Variants in SCNN1B observed in about 807,000 individuals in gnomAD.
SCNN1B encodes the protein sodium channel epithelial 1 subunit beta.
A neutral mutation model predicts 65.3 loss-of-function variants in SCNN1B; 46 were observed. The ratio of observed to expected loss-of-function variants is 0.70; its 90% CI spans 0.56 to 0.90. The LOEUF (loss-of-function observed/expected upper bound fraction) is 0.90, where lower values mean the gene tolerates loss of function less well. Among genes scored for constraint, SCNN1B ranks in the 40% least tolerant of loss-of-function variants. SCNN1B has a pLI of 0.00. For synonymous variants in SCNN1B, 349 were observed against 330.6 expected (o/e 1.06, Z -0.60); for missense variants, 751 against 830.5 (o/e 0.90, Z 1.18).
At chr16:23,378,623 G>C (rs1962963789) in intron 10 of SCNN1B, 83 bp from the exon 11 acceptor site, 9 of 1,306,320 alleles carry the variant, frequency 6.9e-6, no homozygotes, top group Non-Finnish European at 1.0e-5. Flanking sequence ...CAGGGCTGTG[G>C]TCTACCTCCC....
chr16:23,291,050 T>C (rs1960916574), intron 2 of SCNN1B, among the ~76,000 whole-genome samples: 1 of 146,418 alleles, frequency 6.8e-6, no homozygotes, highest in African/African-American at 2.6e-5. Flanking sequence ...CAAATTCTTC[T>C]TTACCACATT....
At position 23,353,017 on chromosome 16, in the gene SCNN1B, C is replaced by A. The variant is rs772749454; in HGVS notation, c.528C>A (p.Ser176Arg). The part of the protein sequence containing the change: ...LFGDNHNGLT[S>R]SSASEKICNA... ...GAGACAACCACAATGGCTTAACAAG[C>A]AGCTCAGCATCAGAAAAGATCTGTA... is the stretch of plus-strand genomic sequence containing the variant. Residue 176 changes from serine to arginine, a missense_variant, in exon 3 of 13, where the codon AGC becomes AGA. Physicochemically the swap from Ser to Arg is moderately radical, Grantham distance 110. Transcript: ENST00000343070. 20 of 1,614,042 alleles carry A rather than the reference C, an allele frequency of 1.2e-5. No individual in the cohort carries two copies. In the South Asian group the frequency reaches 2.0e-4, roughly 16 times the overall value.
chr16:23,380,056 G>C lies in SCNN1B; in HGVS notation c.1467-38G>C. 6.8e-7 allele frequency: 1 copy of C among 1,481,358 alleles called. No homozygotes were observed. Among genetic ancestry groups the C allele is most frequent in the Non-Finnish European group, 9.4e-7 (1 of 1,058,990 alleles). The allele number at this position is 1,481,358 out of a possible 1,614,324, so 91.8% of individuals were successfully genotyped here. On this transcript the variant is annotated intron_variant, in intron 11 of 12. Coordinates refer to ENST00000343070, the MANE Select transcript of SCNN1B (RefSeq NM_000336.3). This position sits in a 1 kb window ranked among gnomAD's most constrained non-coding sequence, Gnocchi z 5.4. ...TGTGTGTCTGTCTGTTTGGAAGGGGGATACATTAGTCCCGGCCCTTCTCGC... is the reference window on the plus strand; with the variant it reads ...TGTGTGTCTGTCTGTTTGGAAGGGGCATACATTAGTCCCGGCCCTTCTCGC...
chr16:23,351,680 G>A (rs1483748005), intron 2 of SCNN1B, among the ~76,000 whole-genome samples: 2 of 152,306 alleles, frequency 1.3e-5, no homozygotes, highest in Admixed American at 1.3e-4. Flanking sequence ...AGGGTCTTGG[G>A]TAAATTGGAC....
rs1963005086 is a variant in SCNN1B at position 23,380,004 on chromosome 16, G to A, written c.1467-90G>A. On this transcript the variant is annotated intron_variant, in intron 11 of 12. Coordinates refer to ENST00000343070, the MANE Select transcript of SCNN1B (RefSeq NM_000336.3). This position sits in a 1 kb window ranked among gnomAD's most constrained non-coding sequence, Gnocchi z 5.4. ...TACATGTGGGTGTGTGCACGTGCAT[G>A]TGTGTGCATGTGTCTATGTGCGTGT... 8 of 941,442 alleles carry A rather than the reference G, an allele frequency of 8.5e-6. No individual in the cohort carries two copies. Among genetic ancestry groups the A allele is most frequent in the Non-Finnish European group, 3.5e-6 (2 of 567,478 alleles). 58.3% of individuals were successfully genotyped at this position (941,442 alleles called of 1,614,324 possible).
chr16:23,296,030 T>G (rs1960992251), intron 2 of SCNN1B, among the ~76,000 whole-genome samples: 1 of 152,130 alleles, frequency 6.6e-6, no homozygotes, highest in Non-Finnish European at 1.5e-5. Flanking sequence ...CGGTTGGATT[T>G]CTGGGAACAA....
chr16:23,373,812 G>T (rs193145689), intron 7 of SCNN1B, among the ~76,000 whole-genome samples: 56 of 152,134 alleles, frequency 3.7e-4, no homozygotes, highest in African/African-American at 1.3e-3. Context: ...AACTCTAGCC[G>T]TCATCTGAGC....
intron 1 of SCNN1B, among the ~76,000 whole-genome samples, chr16:23,280,977 C>T (rs962391112): frequency 1.3e-5 from 2 of 152,190 alleles, no homozygotes; most frequent in Non-Finnish European, 2.9e-5. Flanking sequence ...TGATGTCCAA[C>T]ATGCCAGAAA....
upstream of SCNN1B, among the ~76,000 whole-genome samples, chr16:23,299,059 C>CT (rs552336545): frequency 0.029 from 3,836 of 130,456 alleles, 65 homozygotes; most frequent in Non-Finnish European, 0.041. Context: ...TTTTCTTTTT[C>CT]TTTTTTTTTT....
rs544363815 is a variant in SCNN1B at position 23,348,581 on chromosome 16, C to G, written c.-8-11C>G. On this transcript the variant is annotated splice_polypyrimidine_tract_variant and intron_variant, in intron 1 of 12. Transcript: ENST00000343070. This position sits in a 1 kb window ranked among gnomAD's most constrained non-coding sequence, Gnocchi z 4.5. ...GTCCCAGCTGATGTGCGTCCCCATGCCTCTCTGCAGGTGCCACTATGCACG... is the reference window on the plus strand; with the variant it reads ...GTCCCAGCTGATGTGCGTCCCCATGGCTCTCTGCAGGTGCCACTATGCACG... 6.2e-7 allele frequency: 1 copy of G among 1,611,912 alleles called. No homozygotes were observed.
chr16:23,335,480 G>T (rs1368825867), intron 1 of SCNN1B, among the ~76,000 whole-genome samples: 1 of 141,328 alleles, frequency 7.1e-6, no homozygotes, highest in Non-Finnish European at 1.5e-5. Context: ...TTTTTAGATG[G>T]AGTTTCTCTC....
At chr16:23,354,132 G>A (rs1435851978) in intron 3 of SCNN1B, among the ~76,000 whole-genome samples, 4 of 152,186 alleles carry the variant, frequency 2.6e-5, no homozygotes, top group African/African-American at 9.7e-5. Context: ...ACTAGCCGAC[G>A]TCATATGGGG....
At chr16:23,306,101 G>A (rs932068334) in intron 1 of SCNN1B, among the ~76,000 whole-genome samples, 1 of 152,092 alleles carries the variant, frequency 6.6e-6, no homozygotes, top group Non-Finnish European at 1.5e-5. Context: ...AAATTAGCTG[G>A]GCATGGTGGT....
chr16:23,310,926 G>A (rs1368305000), intron 1 of SCNN1B, among the ~76,000 whole-genome samples: 3 of 152,254 alleles, frequency 2.0e-5, no homozygotes, highest in Non-Finnish European at 2.9e-5. Context: ...CTCAGCTGGT[G>A]AGGGTACAAA....
intron 3 of SCNN1B, 169 bp downstream of exon 3, chr16:23,353,243 T>C: frequency 2.7e-6 from 2 of 731,902 alleles, no homozygotes; most frequent in East Asian, 2.7e-5. Flanking sequence ...TTTGGCATGT[T>C]AGTCAAGACT....
intron 1 of SCNN1B, among the ~76,000 whole-genome samples, chr16:23,339,346 A>G (rs1467386476): frequency 6.6e-6 from 1 of 152,068 alleles, no homozygotes; most frequent in Non-Finnish European, 1.5e-5. Context: ...TCTGTGTGTG[A>G]AAGTATGTTT....
At chr16:23,360,307 G>A (rs1295635844) in intron 4 of SCNN1B, among the ~76,000 whole-genome samples, 3 of 152,034 alleles carry the variant, frequency 2.0e-5, no homozygotes, top group Non-Finnish European at 4.4e-5. Flanking sequence ...AGGCCAAGGA[G>A]GGAGAATCGC....
At chr16:23,307,741 A>G (rs1209450886) in intron 1 of SCNN1B, among the ~76,000 whole-genome samples, 1 of 152,176 alleles carries the variant, frequency 6.6e-6, no homozygotes, top group African/African-American at 2.4e-5. Context: ...CACCAGCAGC[A>G]TAATCATCAC....
intron 1 of SCNN1B, among the ~76,000 whole-genome samples, chr16:23,337,433 G>A (rs543718753): frequency 2.0e-5 from 3 of 148,906 alleles, no homozygotes; most frequent in African/African-American, 7.5e-5. Flanking sequence ...GAGTGCAGTG[G>A]TATGATCTCG....
Sources: gnomAD v4.1 joint callset for allele counts (sites outside exome capture counted in the v4.1 genomes callset) on GRCh38, gnomAD v4.1.1 for gene constraint, Gnocchi (gnomAD v3.1) non-coding constraint, MANE v1.5 for transcripts, NCBI Gene and HGNC (gene_info 2026-07-23, HGNC 2026-07-21) for gene names.